The following COL18A1 variants were observed in gnomAD, a reference collection of about 807,000 sequenced individuals.
The protein encoded by COL18A1 is collagen alpha-1(XVIII) chain.
In COL18A1, 133 loss-of-function variants were observed where a neutral mutation model predicts 168.0. The observed-to-expected ratio is 0.79, with a 90% CI of 0.69 to 0.91. The LOEUF (loss-of-function observed/expected upper bound fraction) is 0.91. COL18A1 is among the 40% of genes least tolerant of loss of function. The pLI, the probability that COL18A1 is intolerant of heterozygous loss-of-function variation, is 0.00. For missense variants in COL18A1, 2,126 were observed against 1,925.4 expected, an observed-to-expected ratio of 1.10 and a Z score of -1.95; for synonymous variants, 949 against 809.0, an observed-to-expected ratio of 1.17 and a Z score of -2.94.
intron 2 of COL18A1, among the ~76,000 whole-genome samples, chr21:45,454,567 T>C (rs1168543727): frequency 2.0e-5 from 3 of 152,238 alleles, no homozygotes; most frequent in Non-Finnish European, 4.4e-5. Context: ...GCTCCACCTC[T>C]GATGGGCTCC....
chr21:45,485,983 T>C (rs945118246), intron 15 of COL18A1, among the ~76,000 whole-genome samples: 3 of 152,202 alleles, frequency 2.0e-5, no homozygotes, highest in African/African-American at 7.2e-5. Context: ...CTCAGGGAGC[T>C]TGTGGCTGCG....
rs143391584 is a variant in COL18A1 at position 45,433,794 on chromosome 21, A to G, written c.106+28321A>G. Among the ~76,000 whole-genome samples the G allele has an allele frequency of 8.2e-3, 1,246 of 152,264 alleles. 20 individuals are homozygous for G. Among genetic ancestry groups the G allele is most frequent in the African/African-American group, 0.028 (1,174 of 41,556 alleles). ...GGGTCATGTGTCTTCTCTGTGCCTCAGTTTTTCTCCCCTGCAAATGGGTTC... is the reference window on the plus strand; with the variant it reads ...GGGTCATGTGTCTTCTCTGTGCCTCGGTTTTTCTCCCCTGCAAATGGGTTC... On this transcript the variant is annotated intron_variant, in intron 2 of 41. Coordinates refer to ENST00000651438, the MANE Select transcript of COL18A1 (RefSeq NM_001379500.1).
chr21:45,511,012 C>G, intron 40 of COL18A1, 99 bp from the exon 41 acceptor site: 1 of 196,998 alleles, frequency 5.1e-6, no homozygotes, highest in South Asian at 2.5e-5. Flanking sequence ...ACCCCCCCCC[C>G]ACACATCCAC....
At chr21:45,491,359 C>G (rs186120816) in intron 22 of COL18A1, 45 bp downstream of exon 22, 31 of 1,256,996 alleles carry the variant, frequency 2.5e-5, no homozygotes, top group Non-Finnish European at 3.5e-5. Context: ...CCAGACCCCC[C>G]ACGGGGTGCA....
Position 45,480,877 on chromosome 21 carries a change from G to A in COL18A1, c.1611+19G>A, listed in dbSNP as rs369257103. 43 of 1,603,412 alleles carry A rather than the reference G, an allele frequency of 2.7e-5. No homozygotes were observed. The highest frequency in any genetic ancestry group is 1.7e-4 in the African/African-American group (13 of 74,742). ...CCTCCCGGTAAGTCCTGCCTCCACC[G>A]TCAGTGTCGGGAGCCCTGTCTGCTG... is the stretch of plus-strand genomic sequence containing the variant. On this transcript the variant is annotated intron_variant, in intron 13 of 41. Coordinates refer to ENST00000651438, the MANE Select transcript of COL18A1 (RefSeq NM_001379500.1).
At chr21:45,470,425 CTTTT>C (rs1195744330) in intron 3 of COL18A1, among the ~76,000 whole-genome samples, 769 of 37,114 alleles carry the variant, frequency 0.021, 18 homozygotes, top group African/African-American at 0.08. Flanking sequence ...TTTACCTTGT[CTTTT>C]TTTTTTTTTT....
intron 2 of COL18A1, among the ~76,000 whole-genome samples, chr21:45,409,190 A>G (rs1409851409): frequency 1.3e-5 from 2 of 152,126 alleles, no homozygotes; most frequent in Admixed American, 1.3e-4. Flanking sequence ...CCTGTCAGAG[A>G]ACAAGACGAC....
intron 2 of COL18A1, among the ~76,000 whole-genome samples, chr21:45,440,496 AGCCACGTTCCCCGGAAGCAGTCG>A (rs2034339668): frequency 2.6e-5 from 4 of 151,510 alleles, no homozygotes; most frequent in Admixed American, 6.6e-5. Flanking sequence ...CTGGGGTTTG[AGCCACGTTCCCCGGAAGCAGTCG>A]GGGCCTGCTG....
intron 2 of COL18A1, among the ~76,000 whole-genome samples, chr21:45,465,146 C>G (rs2035157691): frequency 6.6e-6 from 1 of 152,240 alleles, no homozygotes; most frequent in Non-Finnish European, 1.5e-5. Context: ...GCAGGTATTT[C>G]TGCTTCTCTG....
At chr21:45,459,852 G>A (rs2034983684) in intron 2 of COL18A1, among the ~76,000 whole-genome samples, 2 of 152,130 alleles carry the variant, frequency 1.3e-5, no homozygotes, top group African/African-American at 4.8e-5. Context: ...GACTCTGTGA[G>A]TGACACATGG....
chr21:45,436,512 C>T (rs1319073373), intron 2 of COL18A1, among the ~76,000 whole-genome samples: 2 of 152,050 alleles, frequency 1.3e-5, no homozygotes, highest in African/African-American at 4.8e-5. Flanking sequence ...GCTTTCGGTT[C>T]GGCAAAAAAG....
At chr21:45,452,481 GTT>G (rs1303738171) in intron 2 of COL18A1, among the ~76,000 whole-genome samples, 1 of 143,914 alleles carries the variant, frequency 6.9e-6, no homozygotes, top group Non-Finnish European at 1.6e-5. Flanking sequence ...GTACGTGTGT[GTT>G]TCTGTATGCA....
Position 45,512,376 on chromosome 21 carries a change from G to C in COL18A1, c.3998G>C (p.Ser1333Thr). 1 of 1,612,688 alleles carries C rather than the reference G, an allele frequency of 6.2e-7. No homozygotes were observed. The highest frequency in any genetic ancestry group is 2.2e-5 in the East Asian group (1 of 44,864). Residue 1333 changes from serine to threonine, a missense_variant, in exon 42 of 42, where the codon AGC becomes ACC. Ser to Thr is a moderately conservative substitution (Grantham distance 58). Transcript: ENST00000651438. ...HAYIVLCIENSFMTASK is the reference protein window; with the variant it reads ...HAYIVLCIENTFMTASK Reference sequence around the variant, plus strand: ...TACATCGTGCTCTGCATTGAGAACAGCTTCATGACTGCCTCCAAGTAGCCA... The same window carrying C: ...TACATCGTGCTCTGCATTGAGAACACCTTCATGACTGCCTCCAAGTAGCCA...
At chr21:45,456,604 C>T in intron 2 of COL18A1, 1 of 1,541,226 alleles carries the variant, frequency 6.5e-7, no homozygotes, top group East Asian at 2.4e-5. Flanking sequence ...CCAACCACCT[C>T]CACCACGAGA....
In COL18A1 at chr21:45,498,554, T is replaced by C. The variant is rs1388806754; in HGVS notation, c.2683+893T>C. The C allele has an allele frequency of 8.4e-6, 6 of 716,712 alleles. No homozygotes were observed. In the African/African-American group the frequency reaches 8.7e-5, roughly 10 times the overall value. 44.4% of individuals were successfully genotyped at this position (716,712 alleles called of 1,614,324 possible). A position where few individuals can be genotyped will look rare whatever the true frequency, so the allele number is the denominator to read the frequency against. On this transcript the variant is annotated intron_variant, in intron 32 of 41. Coordinates refer to ENST00000651438, the MANE Select transcript of COL18A1 (RefSeq NM_001379500.1). The surrounding 1 kb of genome is among the most constrained non-coding windows in gnomAD (Gnocchi z 4.5). The stretch of plus-strand genomic sequence containing the variant: ...ACCTGCTCTTGCTGGGGCTGCACTC[T>C]GGGGTGGGAAGGGACCAGGCAGGCA...
At chr21:45,501,299 C>T (rs954725361) in intron 32 of COL18A1, among the ~76,000 whole-genome samples, 2 of 152,012 alleles carry the variant, frequency 1.3e-5, no homozygotes, top group African/African-American at 4.8e-5. Flanking sequence ...ACAAATCAAT[C>T]ATTATAGGGG....
At chr21:45,492,403 C>G in intron 22 of COL18A1, 132 bp from the exon 23 acceptor site, 1 of 1,131,632 alleles carries the variant, frequency 8.8e-7, no homozygotes, top group East Asian at 2.3e-5. Context: ...GCCCCAGGCC[C>G]AGGAAGACTG....
chr21:45,498,655 A>G lies in COL18A1; in HGVS notation c.2683+994A>G, dbSNP rs756295033. Reference sequence around the variant, plus strand: ...GGCAGAAAGCAAGCGGGAAGATGGAAGATGTGCCCATGCCAGCCTTGGATC... The same window carrying G: ...GGCAGAAAGCAAGCGGGAAGATGGAGGATGTGCCCATGCCAGCCTTGGATC... On this transcript the variant is annotated intron_variant, in intron 32 of 41. Transcript: ENST00000651438. This position sits in a 1 kb window ranked among gnomAD's most constrained non-coding sequence, Gnocchi z 4.5. The G allele has an allele frequency of 2.9e-6, 2 of 695,274 alleles. No homozygotes were observed. Among genetic ancestry groups the G allele is most frequent in the Non-Finnish European group, 2.7e-6 (1 of 371,430 alleles). The allele number at this position is 695,274 out of a possible 1,614,324, so 43.1% of individuals were successfully genotyped here.
chr21:45,492,673 C>G lies in COL18A1; in HGVS notation c.2188-14C>G, dbSNP rs1471284177. ...GCGTGATGACCCCAGCTGACGCCGT[C>G]CCTCTTTCCCCAGGGCCGGCCGGGT... On this transcript the variant is annotated splice_polypyrimidine_tract_variant and intron_variant, in intron 23 of 41. Transcript: ENST00000651438. 2 of 1,611,606 alleles carry G rather than the reference C, an allele frequency of 1.2e-6. No individual in the cohort carries two copies. Among genetic ancestry groups the G allele is most frequent in the Non-Finnish European group, 8.5e-7 (1 of 1,179,402 alleles).
Sources: gnomAD v4.1 joint callset for allele counts (sites outside exome capture counted in the v4.1 genomes callset) on GRCh38, gnomAD v4.1.1 for gene constraint, Gnocchi (gnomAD v3.1) non-coding constraint, MANE v1.5 for transcripts, NCBI Gene and HGNC (gene_info 2026-07-23, HGNC 2026-07-21) for gene names.